Variants in SOBP observed in about 807,000 individuals in gnomAD.
The protein encoded by SOBP is sine oculis-binding protein homolog.
A neutral mutation model predicts 53.6 loss-of-function variants in SOBP; 4 were observed. The observed-to-expected ratio is 0.07, with a 90% confidence interval of 0.04 to 0.17. The LOEUF is 0.17. SOBP is among the 10% of genes least tolerant of loss of function. The probability of loss-of-function intolerance (pLI) is 1.00; values close to 1 mark genes in which losing one functional copy is unlikely to be tolerated. For missense variants in SOBP, 1,088 were observed against 1,204.7 expected (o/e 0.90, Z 1.43); for synonymous variants, 584 against 522.6 (o/e 1.12, Z -1.60).
intron 3 of SOBP, among the ~76,000 whole-genome samples, chr6:107,526,856 A>G (rs1783679666): frequency 6.6e-6 from 1 of 152,188 alleles, no homozygotes. Flanking sequence ...TAATTTATGT[A>G]TAGAATATTT....
chr6:107,500,067 G>C (rs929350739), intron 1 of SOBP, among the ~76,000 whole-genome samples: 1 of 152,068 alleles, frequency 6.6e-6, no homozygotes, highest in Non-Finnish European at 1.5e-5. Context: ...ATCTTTATAG[G>C]CCATAAACAT....
chr6:107,498,597 A>G (rs1285682465), intron 1 of SOBP, among the ~76,000 whole-genome samples: 3 of 152,168 alleles, frequency 2.0e-5, no homozygotes, highest in Non-Finnish European at 4.4e-5. Flanking sequence ...GAAAAAAAAA[A>G]TCATGTAGGT....
intron 5 of SOBP, among the ~76,000 whole-genome samples, chr6:107,594,735 G>A (rs962158553): frequency 2.6e-5 from 4 of 152,226 alleles, no homozygotes; most frequent in Admixed American, 1.3e-4. Context: ...ACTGTGATCT[G>A]TCTGTATAGA....
chr6:107,633,714 C>T lies in SOBP; in HGVS notation c.870C>T (p.Thr290=), dbSNP rs779182636. The T allele has an allele frequency of 7.4e-6, 12 of 1,614,214 alleles. No individual in the cohort carries two copies. In the South Asian group the frequency reaches 8.8e-5, roughly 12 times the overall value. Residue 290 remains threonine (T), a synonymous_variant, in exon 6 of 7, where the codon ACC becomes ACT. Transcript: ENST00000317357. ...HPPMENKAEG[T]GVQLLTPDSW... is the part of the protein sequence containing the mutation. ...CCATGGAAAATAAAGCAGAAGGCACCGGGGTGCAGCTGCTCACTCCAGACT... is the reference window on the plus strand; with the variant it reads ...CCATGGAAAATAAAGCAGAAGGCACTGGGGTGCAGCTGCTCACTCCAGACT...
intron 4 of SOBP, among the ~76,000 whole-genome samples, chr6:107,544,065 A>C (rs1180548405): frequency 2.0e-5 from 3 of 152,204 alleles, no homozygotes; most frequent in African/African-American, 4.8e-5. Flanking sequence ...AGGCTGGCCA[A>C]GGACTGTATT....
At chr6:107,491,004 C>T (rs766665760) in intron 1 of SOBP, among the ~76,000 whole-genome samples, 1 of 152,082 alleles carries the variant, frequency 6.6e-6, no homozygotes, top group Non-Finnish European at 1.5e-5. Context: ...ACTCGAGCGG[C>T]GTTGGGCAGG....
At chr6:107,629,407 T>C (rs1770606538) in intron 5 of SOBP, among the ~76,000 whole-genome samples, 1 of 152,154 alleles carries the variant, frequency 6.6e-6, no homozygotes, top group Admixed American at 6.5e-5. Context: ...AGCTGATGAA[T>C]GTGTTAATTA....
chr6:107,532,834 T>G (rs549495927), intron 3 of SOBP, among the ~76,000 whole-genome samples: 2 of 152,308 alleles, frequency 1.3e-5, no homozygotes, highest in South Asian at 4.1e-4. Flanking sequence ...GGCTGCATTG[T>G]CAGAGTCTGT....
Position 107,587,135 on chromosome 6 carries a change from A to T in SOBP, c.629A>T (p.Glu210Val). The T allele has an allele frequency of 6.2e-7, 1 of 1,613,748 alleles. No homozygotes were observed. Among genetic ancestry groups the T allele is most frequent in the Non-Finnish European group, 8.5e-7 (1 of 1,179,798 alleles). The change falls in exon 5 of 7, where the codon GAA becomes GTA. Residue 210 changes from glutamate (E) to valine (V), a missense_variant. Glu to Val is a moderately radical substitution (Grantham distance 121). Coordinates refer to ENST00000317357, the MANE Select transcript of SOBP (RefSeq NM_018013.4). Reference sequence around the variant, plus strand: ...TTTCCCCAGCAGCACTATGCTAAGGAAACTCCAAGGCTTGCCTTCAAGAAT... The same window carrying T: ...TTTCCCCAGCAGCACTATGCTAAGGTAACTCCAAGGCTTGCCTTCAAGAAT... ...ENFPQQHYAKETPRLAFKNNC... is the reference protein window; with the variant it reads ...ENFPQQHYAKVTPRLAFKNNC...
intron 6 of SOBP, among the ~76,000 whole-genome samples, chr6:107,657,058 G>A (rs1277244334): frequency 2.6e-5 from 4 of 152,226 alleles, no homozygotes; most frequent in Admixed American, 6.5e-5. Flanking sequence ...TGTGTCGAGC[G>A]CCCACAGCGG....
intron 4 of SOBP, among the ~76,000 whole-genome samples, chr6:107,556,187 C>T (rs1466180503): frequency 3.9e-5 from 6 of 152,180 alleles, no homozygotes; most frequent in Non-Finnish European, 8.8e-5. Context: ...ATAAAGGGCA[C>T]AGGCAGCCTG....
At chr6:107,644,509 A>G (rs1771472839) in intron 6 of SOBP, among the ~76,000 whole-genome samples, 1 of 152,206 alleles carries the variant, frequency 6.6e-6, no homozygotes, top group African/African-American at 2.4e-5. Flanking sequence ...CTGTTTGTGC[A>G]CTTAATATGA....
chr6:107,612,908 A>G (rs1400030538), intron 5 of SOBP, among the ~76,000 whole-genome samples: 3 of 152,314 alleles, frequency 2.0e-5, no homozygotes, highest in African/African-American at 7.2e-5. Flanking sequence ...ATGTTTTAGT[A>G]TATAGCAATA....
At chr6:107,543,012 C>G (rs901765577) in intron 4 of SOBP, among the ~76,000 whole-genome samples, 17 of 152,106 alleles carry the variant, frequency 1.1e-4, no homozygotes, top group African/African-American at 3.9e-4. Context: ...AGATGGTAAT[C>G]TTGAAGGGAC....
At chr6:107,645,252 T>C (rs1771503258) in intron 6 of SOBP, among the ~76,000 whole-genome samples, 1 of 152,216 alleles carries the variant, frequency 6.6e-6, no homozygotes, top group East Asian at 1.9e-4. Flanking sequence ...TTAATTCATA[T>C]ATTACAATCT....
intron 4 of SOBP, among the ~76,000 whole-genome samples, chr6:107,554,172 A>G (rs1157307844): frequency 2.0e-5 from 3 of 152,168 alleles, no homozygotes; most frequent in Non-Finnish European, 2.9e-5. Context: ...ACTTTACAGT[A>G]TTAGGGAAAA....
In SOBP at chr6:107,635,075, A is replaced by AGCAGCCGCC; in HGVS notation, c.2233_2234insAGCCGCCGC (p.Gln744_Pro745insGlnProPro). On this transcript the variant is annotated inframe_insertion, in exon 6 of 7. Coordinates refer to ENST00000317357, the MANE Select transcript of SOBP (RefSeq NM_018013.4). The surrounding 1 kb of genome is among the most constrained non-coding windows in gnomAD (Gnocchi z 4.5). The stretch of plus-strand genomic sequence containing the variant: ...AAGAGCGCGGAGCCGCCTCCCGAGC[A>AGCAGCCGCC]GCCGCCGCCGCCGCCGCCGCCCGCG... 1 of 1,564,956 alleles carries AGCAGCCGCC rather than the reference A, an allele frequency of 6.4e-7. No individual in the cohort carries two copies. The highest frequency in any genetic ancestry group is 2.4e-5 in the East Asian group (1 of 41,790).
chr6:107,557,310 T>C (rs116502346), intron 4 of SOBP, among the ~76,000 whole-genome samples: 2,350 of 152,346 alleles, frequency 0.015, 53 homozygotes, highest in African/African-American at 0.054. Context: ...AGAAGTGATT[T>C]GAAAAGCAAA....
At chr6:107,617,705 G>A (rs1461031837) in intron 5 of SOBP, among the ~76,000 whole-genome samples, 1 of 152,098 alleles carries the variant, frequency 6.6e-6, no homozygotes, top group African/African-American at 2.4e-5. Flanking sequence ...AGCTCAATTA[G>A]CTGGGGAGCC....
Sources: allele counts gnomAD v4.1 joint callset (sites outside exome capture counted in the v4.1 genomes callset), GRCh38; gene constraint gnomAD v4.1.1; non-coding constraint Gnocchi (gnomAD v3.1); transcripts MANE v1.5; gene names NCBI Gene and HGNC (gene_info 2026-07-23, HGNC 2026-07-21).